The following KCNH1 variants were observed in gnomAD, a reference collection of about 807,000 sequenced individuals.
KCNH1 encodes the protein voltage-gated delayed rectifier potassium channel KCNH1.
Under a neutral mutation model 69.2 loss-of-function variants are expected in KCNH1, and 27 were observed. That is an observed-to-expected ratio of 0.39 (90% CI 0.29 to 0.54). The LOEUF (loss-of-function observed/expected upper bound fraction) is 0.54. Among genes scored for constraint, KCNH1 ranks in the 20% least tolerant of loss-of-function variants. The pLI, the probability that KCNH1 is intolerant of heterozygous loss-of-function variation, is 0.68. For missense variants in KCNH1, 798 were observed against 1,261.6 expected, an observed-to-expected ratio of 0.63 and a Z score of 5.57; for synonymous variants, 456 against 487.7, an observed-to-expected ratio of 0.93 and a Z score of 0.86.
intron 5 of KCNH1, among the ~76,000 whole-genome samples, chr1:211,070,526 A>G (rs1690622685): frequency 6.6e-6 from 1 of 151,342 alleles, no homozygotes; most frequent in Non-Finnish European, 1.5e-5. Context: ...AAATTCCTTT[A>G]AAAACTCAGA....
chr1:211,082,328 T>C (rs924640555), intron 5 of KCNH1, among the ~76,000 whole-genome samples: 1 of 152,224 alleles, frequency 6.6e-6, no homozygotes, highest in Non-Finnish European at 1.5e-5. Context: ...ATAGGATATC[T>C]ACAAAGAAAC....
At chr1:210,724,484 A>C (rs1480285631) in intron 10 of KCNH1, among the ~76,000 whole-genome samples, 5 of 152,196 alleles carry the variant, frequency 3.3e-5, no homozygotes, top group Admixed American at 3.3e-4. Context: ...ATTTAAGTAA[A>C]TATTCATCAA....
At chr1:210,953,750 T>A (rs1288734871) in intron 6 of KCNH1, among the ~76,000 whole-genome samples, 1 of 152,088 alleles carries the variant, frequency 6.6e-6, no homozygotes, top group Non-Finnish European at 1.5e-5. Flanking sequence ...GGGATGGCAT[T>A]CAAAACCCTC....
At chr1:210,844,760 A>C (rs1456624874) in intron 7 of KCNH1, among the ~76,000 whole-genome samples, 2 of 152,208 alleles carry the variant, frequency 1.3e-5, no homozygotes. Flanking sequence ...AGACACAAAA[A>C]ACCCTTCAAA....
intron 10 of KCNH1, among the ~76,000 whole-genome samples, chr1:210,708,048 A>G (rs1435807178): frequency 1.3e-5 from 2 of 152,238 alleles, no homozygotes; most frequent in African/African-American, 4.8e-5. Context: ...TACTAAACAC[A>G]GCTCATCACA....
At chr1:210,740,546 G>A (rs962287310) in intron 10 of KCNH1, among the ~76,000 whole-genome samples, 1 of 151,724 alleles carries the variant, frequency 6.6e-6, no homozygotes, top group Non-Finnish European at 1.5e-5. Context: ...GTCTCTTCTG[G>A]CATGCTTTTT....
chr1:211,124,874 A>G (rs1210523082), intron 1 of KCNH1, among the ~76,000 whole-genome samples: 1 of 152,204 alleles, frequency 6.6e-6, no homozygotes, highest in Non-Finnish European at 1.5e-5. Context: ...CCTTGGTATA[A>G]GCAGTTTTCA....
intron 6 of KCNH1, among the ~76,000 whole-genome samples, chr1:210,961,793 T>C (rs931755617): frequency 6.6e-6 from 1 of 151,590 alleles, no homozygotes; most frequent in Non-Finnish European, 1.5e-5. Context: ...GGAGCTGAGA[T>C]TGCACCATTG....
At chr1:210,996,465 T>C (rs773022813) in intron 6 of KCNH1, among the ~76,000 whole-genome samples, 43 of 152,332 alleles carry the variant, frequency 2.8e-4, no homozygotes, top group Non-Finnish European at 5.0e-4. Flanking sequence ...CAGGCTTGAT[T>C]AGGTAAACAA....
chr1:211,054,580 T>C (rs1690268975), intron 5 of KCNH1, among the ~76,000 whole-genome samples: 1 of 151,924 alleles, frequency 6.6e-6, no homozygotes, highest in African/African-American at 2.4e-5. Flanking sequence ...TAACGGCCAA[T>C]AAGGAAGTTA....
At chr1:210,977,091 A>T (rs1316730849) in intron 6 of KCNH1, among the ~76,000 whole-genome samples, 1 of 152,254 alleles carries the variant, frequency 6.6e-6, no homozygotes, top group Admixed American at 6.5e-5. Flanking sequence ...TGGCACATAT[A>T]CACCATGGAA....
chr1:210,807,553 G>C (rs537545747), intron 7 of KCNH1, among the ~76,000 whole-genome samples: 1 of 152,060 alleles, frequency 6.6e-6, no homozygotes, highest in East Asian at 1.9e-4. Flanking sequence ...TGCATGTTGC[G>C]TGAGCCAAGA....
chr1:210,872,036 A>G (rs574772772), intron 7 of KCNH1, among the ~76,000 whole-genome samples: 21 of 151,950 alleles, frequency 1.4e-4, no homozygotes, highest in Non-Finnish European at 2.9e-4. Flanking sequence ...GATGTACCCC[A>G]AAACTTAAAG....
chr1:210,758,365 A>G (rs964240460), intron 10 of KCNH1, among the ~76,000 whole-genome samples: 1 of 152,222 alleles, frequency 6.6e-6, no homozygotes, highest in African/African-American at 2.4e-5. Context: ...AGGACAGGAA[A>G]GGAGAGTAGC....
At chr1:211,005,030 GCGA>G (rs1363735804) in intron 6 of KCNH1, among the ~76,000 whole-genome samples, 5 of 151,988 alleles carry the variant, frequency 3.3e-5, no homozygotes, top group Admixed American at 2.0e-4. Context: ...GGAAGAAAGA[GCGA>G]ATAAGAGAGA....
chr1:210,722,743 G>T (rs1682500843), intron 10 of KCNH1, among the ~76,000 whole-genome samples: 1 of 152,206 alleles, frequency 6.6e-6, no homozygotes, highest in Non-Finnish European at 1.5e-5. Flanking sequence ...AGGGATGACT[G>T]TCCTCTATGA....
chr1:210,711,689 G>C (rs1171982549), intron 10 of KCNH1, among the ~76,000 whole-genome samples: 2 of 152,150 alleles, frequency 1.3e-5, no homozygotes, highest in African/African-American at 4.8e-5. Context: ...GAGTATCCCT[G>C]ATAACACCCC....
intron 6 of KCNH1, among the ~76,000 whole-genome samples, chr1:210,943,024 A>G (rs1036000745): frequency 6.6e-6 from 1 of 152,232 alleles, no homozygotes; most frequent in Admixed American, 6.5e-5. Context: ...CAATGTGCCA[A>G]GCAGTCCTAA....
chr1:210,904,334 C>G (rs1687053109), intron 7 of KCNH1, among the ~76,000 whole-genome samples: 3 of 152,142 alleles, frequency 2.0e-5, no homozygotes, highest in Admixed American at 2.0e-4. Flanking sequence ...GGCTCTGTCC[C>G]CACTGACCCC....
Sources: gnomAD v4.1 joint callset for allele counts (sites outside exome capture counted in the v4.1 genomes callset) on GRCh38, gnomAD v4.1.1 for gene constraint, MANE v1.5 for transcripts, NCBI Gene and HGNC (gene_info 2026-07-23, HGNC 2026-07-21) for gene names.